DNAJC1: variants seen among roughly 807,000 people sequenced by gnomAD.
DNAJC1 encodes the protein dnaJ homolog subfamily C member 1.
DNAJC1 carries 58 observed loss-of-function variants against 76.6 expected under a neutral mutation model. The ratio of observed to expected loss-of-function variants is 0.76; its 90% CI spans 0.61 to 0.94. The LOEUF is 0.94. Among genes scored for constraint, DNAJC1 ranks in the 40% least tolerant of loss-of-function variants. The pLI is 0.00. For missense variants in DNAJC1, 689 were observed against 677.3 expected (o/e 1.02, Z -0.19); for synonymous variants, 258 against 267.9 (o/e 0.96, Z 0.36).
At chr10:21,796,111 A>G (rs946519959) in intron 9 of DNAJC1, among the ~76,000 whole-genome samples, 2 of 151,844 alleles carry the variant, frequency 1.3e-5, no homozygotes, top group African/African-American at 2.4e-5. Context: ...CTAGGATTAC[A>G]GGCATGCACC....
intron 1 of DNAJC1, among the ~76,000 whole-genome samples, chr10:22,000,435 C>T (rs1224030192): frequency 2.0e-5 from 3 of 152,182 alleles, no homozygotes; most frequent in Non-Finnish European, 4.4e-5. Flanking sequence ...CTTCCCTTAC[C>T]ACCTATGACT....
intron 3 of DNAJC1, among the ~76,000 whole-genome samples, chr10:21,921,437 C>T (rs917821779): frequency 3.3e-5 from 5 of 151,916 alleles, no homozygotes; most frequent in African/African-American, 7.2e-5. Context: ...CCCTAAACTA[C>T]GGTGGCTCAA....
At chr10:21,874,629 A>AG (rs1391409911) in intron 8 of DNAJC1, among the ~76,000 whole-genome samples, 2 of 152,160 alleles carry the variant, frequency 1.3e-5, no homozygotes, top group Non-Finnish European at 2.9e-5. Context: ...AGAAGAGGGG[A>AG]GATCAGAGAA....
intron 3 of DNAJC1, among the ~76,000 whole-genome samples, chr10:21,928,259 A>G (rs931531618): frequency 6.6e-6 from 1 of 152,190 alleles, no homozygotes; most frequent in African/African-American, 2.4e-5. Flanking sequence ...AGTCGTATTA[A>G]GGAAGCCCGG....
At chr10:21,879,602 C>T (rs1040073185) in intron 8 of DNAJC1, among the ~76,000 whole-genome samples, 3 of 151,738 alleles carry the variant, frequency 2.0e-5, no homozygotes, top group African/African-American at 7.3e-5. Flanking sequence ...CCAGCCTGGG[C>T]GACAGAGAGA....
chr10:21,859,592 A>C (rs1042771895), intron 8 of DNAJC1, among the ~76,000 whole-genome samples: 1 of 152,172 alleles, frequency 6.6e-6, no homozygotes, highest in African/African-American at 2.4e-5. Flanking sequence ...TAGGGGTTAC[A>C]TAGACATAGG....
At chr10:21,764,417 C>T (rs998665135) in intron 10 of DNAJC1, among the ~76,000 whole-genome samples, 2 of 152,104 alleles carry the variant, frequency 1.3e-5, no homozygotes, top group Admixed American at 1.3e-4. Flanking sequence ...TTTCTATTAG[C>T]GAACATTTCT....
intron 7 of DNAJC1, among the ~76,000 whole-genome samples, chr10:21,900,843 CA>C (rs1836640271): frequency 6.6e-6 from 1 of 152,144 alleles, no homozygotes; most frequent in Non-Finnish European, 1.5e-5. Context: ...TTACCACAGG[CA>C]AAGTGTTCTA....
intron 8 of DNAJC1, among the ~76,000 whole-genome samples, chr10:21,809,520 CATT>C (rs1380625026): frequency 1.3e-5 from 2 of 151,020 alleles, no homozygotes; most frequent in Non-Finnish European, 3.0e-5. Context: ...ATATATAACA[CATT>C]ATTATACATA....
chr10:22,000,704 T>C (rs1469821603), intron 1 of DNAJC1, among the ~76,000 whole-genome samples: 1 of 152,198 alleles, frequency 6.6e-6, no homozygotes, highest in African/African-American at 2.4e-5. Context: ...GGTGATTATA[T>C]CACGAAGGTG....
At chr10:21,904,442 C>T (rs1287748867) in intron 7 of DNAJC1, 80 bp downstream of exon 7, 5 of 882,662 alleles carry the variant, frequency 5.7e-6, no homozygotes, top group East Asian at 3.2e-5. Context: ...AATTTAATTA[C>T]TGCTGAATTT....
At chr10:21,942,913 G>A (rs1285902855) in intron 1 of DNAJC1, among the ~76,000 whole-genome samples, 1 of 151,668 alleles carries the variant, frequency 6.6e-6, no homozygotes, top group Non-Finnish European at 1.5e-5. Flanking sequence ...GGTCACAAAG[G>A]AAGTCTTAAT....
chr10:21,774,078 T>C (rs1007932014), intron 9 of DNAJC1, among the ~76,000 whole-genome samples: 7 of 147,250 alleles, frequency 4.8e-5, no homozygotes, highest in African/African-American at 1.3e-4. Context: ...GAGGCGGAGC[T>C]TGCAGTGAGC....
intron 3 of DNAJC1, 63 bp downstream of exon 3, chr10:21,928,443 T>C: frequency 7.2e-7 from 1 of 1,385,066 alleles, no homozygotes; most frequent in Admixed American, 1.9e-5. Flanking sequence ...GAAGACTTAA[T>C]TCTTTATAAA....
chr10:21,844,220 T>C (rs1261978532), intron 8 of DNAJC1, among the ~76,000 whole-genome samples: 3 of 152,040 alleles, frequency 2.0e-5, no homozygotes, highest in Non-Finnish European at 4.4e-5. Context: ...ATATACTCAG[T>C]CTCCCGAGTA....
At chr10:21,774,231 A>G (rs1834426467) in intron 9 of DNAJC1, among the ~76,000 whole-genome samples, 1 of 152,188 alleles carries the variant, frequency 6.6e-6, no homozygotes, top group Non-Finnish European at 1.5e-5. Context: ...TAATTCTAAG[A>G]AAAGCTTACG....
intron 8 of DNAJC1, among the ~76,000 whole-genome samples, chr10:21,877,462 A>C (rs1428605290): frequency 6.6e-6 from 1 of 152,148 alleles, no homozygotes; most frequent in Non-Finnish European, 1.5e-5. Context: ...GAAATACAGA[A>C]AGAACTCTTT....
At chr10:21,968,632 T>G (rs1590072172) in intron 1 of DNAJC1, among the ~76,000 whole-genome samples, 1 of 151,790 alleles carries the variant, frequency 6.6e-6, no homozygotes. Context: ...TGCCTCAGCC[T>G]CCCAAGTAGC....
At chr10:21,897,577 T>C (rs1339348292) in intron 7 of DNAJC1, among the ~76,000 whole-genome samples, 1 of 152,168 alleles carries the variant, frequency 6.6e-6, no homozygotes, top group African/African-American at 2.4e-5. Context: ...AGATCAGCAG[T>C]GGCATTAGAT....
Sources: allele counts gnomAD v4.1 joint callset (sites outside exome capture counted in the v4.1 genomes callset), GRCh38; gene constraint gnomAD v4.1.1; transcripts MANE v1.5; gene names NCBI Gene and HGNC (gene_info 2026-07-23, HGNC 2026-07-21).